Variants in SLC12A2 observed in about 807,000 individuals in gnomAD.
The protein encoded by SLC12A2 is solute carrier family 12 member 2.
SLC12A2 carries 67 observed loss-of-function variants against 136.3 expected under a neutral mutation model. That is an observed-to-expected ratio of 0.49 (90% CI 0.40 to 0.60). The LOEUF (loss-of-function observed/expected upper bound fraction) is 0.60, where lower values mean the gene tolerates loss of function less well. Among genes scored for constraint, SLC12A2 ranks in the 20% least tolerant of loss-of-function variants. The pLI is 0.00. For missense variants in SLC12A2, 1,322 were observed against 1,534.7 expected (o/e 0.86, Z 2.32); for synonymous variants, 619 against 562.9 (o/e 1.10, Z -1.41).
At chr5:128,164,181 G>A (rs529053960) in intron 17 of SLC12A2, among the ~76,000 whole-genome samples, 9 of 152,270 alleles carry the variant, frequency 5.9e-5, no homozygotes, top group African/African-American at 1.7e-4. Context: ...CAGATCTGGG[G>A]TGAGGGCCCA....
intron 4 of SLC12A2, among the ~76,000 whole-genome samples, chr5:128,129,299 A>G (rs939240243): frequency 2.0e-5 from 3 of 152,072 alleles, no homozygotes; most frequent in South Asian, 2.1e-4. Context: ...TAATTATACT[A>G]TTGTAGGGAT....
At chr5:128,146,746 C>T (rs1762540565) in intron 10 of SLC12A2, among the ~76,000 whole-genome samples, 1 of 151,672 alleles carries the variant, frequency 6.6e-6, no homozygotes, top group African/African-American at 2.4e-5. Context: ...AATATTTCCA[C>T]ATTTAGCTCT....
At chr5:128,112,045 T>C (rs1761167072) in intron 1 of SLC12A2, among the ~76,000 whole-genome samples, 1 of 152,178 alleles carries the variant, frequency 6.6e-6, no homozygotes, top group Non-Finnish European at 1.5e-5. Flanking sequence ...CATCTCCCCT[T>C]TCCTTTCATG....
Position 128,093,186 on chromosome 5 carries a change from TG to T in SLC12A2, c.756+8478del, listed in dbSNP as rs137945281. ...CAGTGTTCAGCTTTCAGGCAGCATT[TG>T]GTGTTCTTTTGAAGTGTTTTGGTCA... On this transcript the variant is annotated intron_variant, in intron 1 of 26. Transcript: ENST00000262461. 1.1e-3 allele frequency among the ~76,000 whole-genome samples: 161 copies of T among 152,312 alleles called. 1 individual carries two copies. Among genetic ancestry groups the T allele is most frequent in the African/African-American group, 3.7e-3 (155 of 41,572 alleles).
chr5:128,140,176 T>C (rs928441860), intron 9 of SLC12A2, among the ~76,000 whole-genome samples: 2 of 152,042 alleles, frequency 1.3e-5, no homozygotes, highest in African/African-American at 4.8e-5. Context: ...TTTTTGTATT[T>C]TTAGTAGAGA....
chr5:128,136,171 C>T (rs561901378), intron 7 of SLC12A2, among the ~76,000 whole-genome samples: 1 of 152,148 alleles, frequency 6.6e-6, no homozygotes, highest in East Asian at 1.9e-4. Context: ...TATAAAAGCG[C>T]CTAAGATTGT....
intron 1 of SLC12A2, among the ~76,000 whole-genome samples, chr5:128,105,735 G>A (rs1760908243): frequency 6.6e-6 from 1 of 152,170 alleles, no homozygotes; most frequent in Non-Finnish European, 1.5e-5. Context: ...TCTACATCCT[G>A]CAAGGAAGTA....
intron 26 of SLC12A2, 35 bp from the exon 27 acceptor site, chr5:128,186,461 G>GTTTTTT (rs11382084): frequency 1.7e-5 from 23 of 1,323,436 alleles, no homozygotes; most frequent in Admixed American, 4.9e-5. Context: ...ATTGCTCAGG[G>GTTTTTT]TTTTTTTTTT....
rs141588608 is a variant in SLC12A2, at chr5:128,111,813, C to CATGT, written c.757-1001_757-1000insATGT. ...GCATATATATATGTGTGTGTATATA[C>CATGT]GTGTGTGTGTGTGTATATATATATA... On this transcript the variant is annotated intron_variant, in intron 1 of 26. Coordinates refer to ENST00000262461, the MANE Select transcript of SLC12A2 (RefSeq NM_001046.3). 2.5e-4 allele frequency among the ~76,000 whole-genome samples: 36 copies of CATGT among 146,772 alleles called. 1 individual carries two copies. The highest frequency in any genetic ancestry group is 1.1e-3 in the South Asian group (5 of 4,552).
intron 10 of SLC12A2, among the ~76,000 whole-genome samples, chr5:128,143,502 A>G (rs952622187): frequency 6.6e-6 from 1 of 152,152 alleles, no homozygotes; most frequent in Non-Finnish European, 1.5e-5. Flanking sequence ...TGTTACCTCT[A>G]TTAAGGTACT....
intron 7 of SLC12A2, among the ~76,000 whole-genome samples, chr5:128,136,398 C>T (rs899768613): frequency 1.3e-5 from 2 of 152,070 alleles, no homozygotes; most frequent in Non-Finnish European, 1.5e-5. Context: ...GTTTTGATGA[C>T]TTAGTCAAGG....
rs539357817 is a variant in SLC12A2 at position 128,097,694 on chromosome 5, T to G, written c.756+12984T>G. ...TTTTAAAACAGTACTTTCTCTTTCC[T>G]CAGTGCTCTTGTCATCTAGATGATA... On this transcript the variant is annotated intron_variant, in intron 1 of 26. Transcript: ENST00000262461. Among the ~76,000 whole-genome samples the G allele has an allele frequency of 7.6e-4, 115 of 152,266 alleles. 1 individual carries two copies. Among genetic ancestry groups the G allele is most frequent in the African/African-American group, 2.7e-3 (113 of 41,574 alleles).
chr5:128,114,461 A>C, intron 3 of SLC12A2, 125 bp from the exon 4 acceptor site: 5 of 829,430 alleles, frequency 6.0e-6, no homozygotes, highest in Non-Finnish European at 9.6e-6. Context: ...TTATAAAATG[A>C]GATCAAAATT....
rs773405100 is a variant in SLC12A2 at position 128,161,773 on chromosome 5, G to C, written c.2589G>C (p.Leu863Phe). 6.7e-6 allele frequency: 10 copies of C among 1,495,072 alleles called. No homozygotes were observed. Among genetic ancestry groups the C allele is most frequent in the Non-Finnish European group, 8.9e-6 (10 of 1,125,394 alleles). 92.6% of individuals were successfully genotyped at this position (1,495,072 alleles called of 1,614,324 possible). A position where few individuals can be genotyped will look rare whatever the true frequency, so the allele number is the denominator to read the frequency against. ...ATGCTCCAGTACATGCAGATGACTT[G>C]AGAGAAGGTGCACAGTATTTGATGC... is the stretch of plus-strand genomic sequence containing the variant. ...AFYAPVHADD[L>F]REGAQYLMQA... is the part of the protein sequence containing the mutation. The change falls in exon 17 of 27, where the codon TTG becomes TTC. Residue 863 changes from leucine to phenylalanine, a missense_variant. This residue lies in a region of SLC12A2 where 226 missense variants were observed against 210.4 expected (regional missense o/e 1.07). Transcript: ENST00000262461.
At position 128,158,160 on chromosome 5, in the gene SLC12A2, A is replaced by T; in HGVS notation, c.2471A>T (p.His824Leu). 6.2e-7 allele frequency: 1 copy of T among 1,600,030 alleles called. No homozygotes were observed. Among genetic ancestry groups the T allele is most frequent in the South Asian group, 1.1e-5 (1 of 87,780 alleles). The change falls in exon 16 of 27, where the codon CAT (histidine) becomes CTT (leucine). Residue 824 changes from histidine (H) to leucine (L), a missense_variant. Physicochemically the swap from His to Leu is moderately conservative, Grantham distance 99. Coordinates refer to ENST00000262461, the MANE Select transcript of SLC12A2 (RefSeq NM_001046.3). Reference protein sequence around the residue: ...NVGLMICGHVHMGPRRQAMKE... With the variant: ...NVGLMICGHVLMGPRRQAMKE... ...GGTTTGATGATCTGTGGCCATGTAC[A>T]TATGGTAAGTATCAATTTTGTTTTC...
At chr5:128,159,417 A>G (rs888911225) in intron 16 of SLC12A2, among the ~76,000 whole-genome samples, 8 of 152,230 alleles carry the variant, frequency 5.3e-5, no homozygotes, top group African/African-American at 1.2e-4. Flanking sequence ...ATCTAACTAA[A>G]CTAAAGAACT....
intron 16 of SLC12A2, among the ~76,000 whole-genome samples, 183 bp from the exon 17 acceptor site, chr5:128,161,477 C>T (rs764646693): frequency 1.3e-5 from 2 of 152,112 alleles, no homozygotes; most frequent in Non-Finnish European, 2.9e-5. Context: ...GCTATTCCAT[C>T]ACCTCTACCT....
intron 1 of SLC12A2, among the ~76,000 whole-genome samples, chr5:128,112,222 A>T (rs1761174671): frequency 6.6e-6 from 1 of 152,228 alleles, no homozygotes; most frequent in Non-Finnish European, 1.5e-5. Context: ...CAAATTCATT[A>T]TGTCAACCAG....
chr5:128,151,043 A>G (rs1438747610), intron 13 of SLC12A2, among the ~76,000 whole-genome samples, 198 bp from the exon 14 acceptor site: 1 of 152,102 alleles, frequency 6.6e-6, no homozygotes, highest in Admixed American at 6.5e-5. Flanking sequence ...TTACCTTTTC[A>G]TAGCCATCAA....
Sources: gnomAD v4.1 joint callset for allele counts (sites outside exome capture counted in the v4.1 genomes callset) on GRCh38, gnomAD v4.1.1 for gene constraint, gnomAD v4.1.1 regional missense constraint, MANE v1.5 for transcripts, NCBI Gene and HGNC (gene_info 2026-07-23, HGNC 2026-07-21) for gene names.